The following URB2 variants were observed in gnomAD, a reference collection of about 807,000 sequenced individuals.
URB2 encodes URB2 ribosome biogenesis homolog, also known as unhealthy ribosome biogenesis protein 2 homolog.
A neutral mutation model predicts 120.9 loss-of-function variants in URB2; 86 were observed. The observed-to-expected ratio is 0.71, with a 90% CI of 0.60 to 0.85. The LOEUF (loss-of-function observed/expected upper bound fraction) is 0.85. Ranked by LOEUF, URB2 falls within the 40% of genes least tolerant of loss-of-function variation. The pLI is 0.00. For missense variants in URB2, 1,765 were observed against 1,836.5 expected, an observed-to-expected ratio of 0.96 and a Z score of 0.71; for synonymous variants, 755 against 758.4, an observed-to-expected ratio of 1.00 and a Z score of 0.07.
chr1:229,632,500 T>C, intron 3 of URB2, 55 bp downstream of exon 3: 3 of 1,436,568 alleles, frequency 2.1e-6, no homozygotes, highest in East Asian at 2.6e-5. Flanking sequence ...GATTTCTTGT[T>C]AATGCTGGAA....
At position 229,654,288 on chromosome 1, in the gene URB2, G is replaced by A. The variant is rs1161631532; in HGVS notation, c.4277G>A (p.Arg1426His). Residue 1426 changes from arginine (R) to histidine (H), a missense_variant, in exon 9 of 10, where the codon CGC becomes CAC. By Grantham distance (29) the Arg-to-His change is conservative. Transcript: ENST00000258243. ...DDLPTVLKCA[R>H]LVERMYSHIA... ...CTGCCTACGGTCCTAAAGTGTGCAC[G>A]CCTGGTTGAAAGAATGTACAGCCAC... 11 of 1,614,030 alleles carry A rather than the reference G, an allele frequency of 6.8e-6. No individual in the cohort carries two copies. The highest frequency in any genetic ancestry group is 2.2e-5 in the South Asian group (2 of 91,086).
Position 229,636,910 on chromosome 1 carries a change from T to A in URB2, c.2297T>A (p.Leu766Gln). Reference sequence around the variant, plus strand: ...GATGTGGGATACCTGGCCAGTGTCCTGCTGAGAACTTTACCCATGGGCAAA... The same window carrying A: ...GATGTGGGATACCTGGCCAGTGTCCAGCTGAGAACTTTACCCATGGGCAAA... ...PDDVGYLASV[L>Q]LRTLPMGKAQ... Residue 766 changes from leucine (L) to glutamine (Q), a missense_variant, in exon 4 of 10, where the codon CTG becomes CAG. By Grantham distance (113) the Leu-to-Gln change is moderately radical (BLOSUM62 -2). Transcript: ENST00000258243. 1 of 1,612,332 alleles carries A rather than the reference T, an allele frequency of 6.2e-7. No homozygotes were observed. Among genetic ancestry groups the A allele is most frequent in the Admixed American group, 1.7e-5 (1 of 59,770 alleles).
rs1480196075 is a variant in URB2, at chr1:229,636,293, G to A, written c.1680G>A (p.Thr560=). The change falls in exon 4 of 10, where the codon ACG becomes ACA. Residue 560 remains threonine (T), a synonymous_variant. Transcript: ENST00000258243. ...MFNMRSLDSS[T]PLPIVRRTQC... ...ACATGAGGAGCCTGGACAGCAGCAC[G>A]CCTCTGCCCATTGTCAGACGGACAC... 33 of 1,614,096 alleles carry A rather than the reference G, an allele frequency of 2.0e-5. No individual in the cohort carries two copies. Among genetic ancestry groups the A allele is most frequent in the Admixed American group, 3.3e-5 (2 of 60,016 alleles).
intron 5 of URB2, among the ~76,000 whole-genome samples, chr1:229,645,052 A>C (rs1433539074): frequency 2.0e-5 from 3 of 152,152 alleles, no homozygotes; most frequent in African/African-American, 4.8e-5. Flanking sequence ...TTGGGAGGCC[A>C]AGGTGGGTGG....
At position 229,637,769 on chromosome 1, in the gene URB2, C is replaced by T. The variant is rs143861062; in HGVS notation, c.3156C>T (p.Gly1052=). ...AATTAGAAAATCAGAACCCCCAGGG[C>T]AGGCAGCTCCTTCTGGTGTCTTTAA... is the stretch of plus-strand genomic sequence containing the variant. ...SKQLENQNPQ[G]RQLLLVSLTR... The change falls in exon 4 of 10, where the codon GGC becomes GGT. Residue 1052 remains glycine (G), a synonymous_variant. Transcript: ENST00000258243. 4,123 of 1,614,086 alleles carry T rather than the reference C, an allele frequency of 2.6e-3. 8 individuals are homozygous for T. Among genetic ancestry groups the T allele is most frequent in the Non-Finnish European group, 3.2e-3 (3,792 of 1,180,024 alleles).
chr1:229,637,995 C>T lies in URB2; in HGVS notation c.3382C>T (p.Leu1128=). The T allele has an allele frequency of 6.2e-7, 1 of 1,613,524 alleles. No individual in the cohort carries two copies. Among genetic ancestry groups the T allele is most frequent in the Non-Finnish European group, 8.5e-7 (1 of 1,179,706 alleles). ...SSVSTLLEAD[L]GQHCRDGGAD... ...CGTCAGCACGCTCTTGGAAGCCGAC[C>T]TGGGTCAGCACTGCAGGGATGGAGG... Residue 1128 remains leucine (L), a synonymous_variant, in exon 4 of 10, where the codon CTG becomes TTG. Coordinates refer to ENST00000258243, the MANE Select transcript of URB2 (RefSeq NM_014777.4).
chr1:229,641,174 G>A (rs1012003837), intron 4 of URB2, among the ~76,000 whole-genome samples: 22 of 151,946 alleles, frequency 1.4e-4, no homozygotes, highest in Admixed American at 3.9e-4. Context: ...CACCATGCCC[G>A]GCTAATTGTT....
At position 229,651,183 on chromosome 1, in the gene URB2, A is replaced by C. The variant is rs559319168; in HGVS notation, c.4150-52A>C. On this transcript the variant is annotated intron_variant, in intron 7 of 9. Transcript: ENST00000258243. ...AAGTATGAGCTCCTTTAAAGTAGAA[A>C]AACTTAAATAATCACGTATGTACTT... is the stretch of plus-strand genomic sequence containing the variant. The C allele has an allele frequency of 3.3e-6, 5 of 1,511,072 alleles. No homozygotes were observed. The East Asian group carries it at 9.4e-5, about 28-fold the overall frequency. The allele number at this position is 1,511,072 out of a possible 1,614,324, so 93.6% of individuals were successfully genotyped here.
At chr1:229,626,847 A>G (rs1398646242) in intron 1 of URB2, among the ~76,000 whole-genome samples, 1 of 152,272 alleles carries the variant, frequency 6.6e-6, no homozygotes, top group Non-Finnish European at 1.5e-5. Context: ...ACATTTTGAC[A>G]AAATAGGAAA....
intron 8 of URB2, among the ~76,000 whole-genome samples, chr1:229,653,012 A>G (rs1212436964): frequency 5.3e-5 from 8 of 152,222 alleles, no homozygotes; most frequent in African/African-American, 1.9e-4. Flanking sequence ...TGCTCTTTCT[A>G]ATGAGCATGC....
chr1:229,649,847 G>A (rs1296907624), intron 7 of URB2, among the ~76,000 whole-genome samples: 1 of 152,150 alleles, frequency 6.6e-6, no homozygotes, highest in African/African-American at 2.4e-5. Context: ...TGAGGAAACT[G>A]AGGTGCACAC....
At chr1:229,651,452 C>T in intron 8 of URB2, 130 bp downstream of exon 8, 1 of 675,396 alleles carries the variant, frequency 1.5e-6, no homozygotes, top group Non-Finnish European at 2.2e-6. Context: ...CAAATGAATA[C>T]TCAAAATATA....
chr1:229,641,584 G>T lies in URB2; in HGVS notation c.3635-1949G>T, dbSNP rs141555918. ...GCCCAAGGCTTTGGGCAGGGAGAGG[G>T]AGTGTGAAGAGGCGCCGTGCAGGTG... is the stretch of plus-strand genomic sequence containing the variant. On this transcript the variant is annotated intron_variant, in intron 4 of 9. Coordinates refer to ENST00000258243, the MANE Select transcript of URB2 (RefSeq NM_014777.4). Among the ~76,000 whole-genome samples the T allele has an allele frequency of 1.5e-3, 224 of 152,300 alleles. 1 individual carries two copies. Among genetic ancestry groups the T allele is most frequent in the African/African-American group, 5.3e-3 (221 of 41,556 alleles).
chr1:229,655,119 G>A (rs1666377090), intron 9 of URB2, among the ~76,000 whole-genome samples: 1 of 152,216 alleles, frequency 6.6e-6, no homozygotes, highest in African/African-American at 2.4e-5. Context: ...ACTCAAAGTC[G>A]ATGACAAGGT....
At chr1:229,628,422 C>G (rs976684553) in intron 2 of URB2, among the ~76,000 whole-genome samples, 1 of 151,628 alleles carries the variant, frequency 6.6e-6, no homozygotes, top group African/African-American at 2.4e-5. Context: ...GACCTTGTCT[C>G]TTTAAAATAA....
intron 6 of URB2, 71 bp downstream of exon 6, chr1:229,646,040 T>TA: frequency 1.4e-6 from 2 of 1,446,272 alleles, no homozygotes; most frequent in Non-Finnish European, 1.9e-6. Context: ...AAGTCAGCCT[T>TA]TTGGGGTCTG....
At chr1:229,639,534 C>T (rs902995209) in intron 4 of URB2, among the ~76,000 whole-genome samples, 2 of 152,058 alleles carry the variant, frequency 1.3e-5, no homozygotes, top group African/African-American at 4.8e-5. Flanking sequence ...GACAGGGTTT[C>T]ACCATGTTAG....
chr1:229,651,390 A>G (rs2102797990), intron 8 of URB2, 68 bp downstream of exon 8: 12 of 1,339,926 alleles, frequency 9.0e-6, no homozygotes, highest in Non-Finnish European at 1.2e-5. Context: ...CTGGCCACAT[A>G]TGTTACTGAA....
rs968788075 is a variant in URB2 at position 229,655,111 on chromosome 1, T to A, written c.4377+723T>A. On this transcript the variant is annotated intron_variant, in intron 9 of 9. Coordinates refer to ENST00000258243, the MANE Select transcript of URB2 (RefSeq NM_014777.4). Reference sequence around the variant, plus strand: ...ATGTGACTCAGCTGCTCTCAGACACTCAAAGTCGATGACAAGGTGGAGATA... The same window carrying A: ...ATGTGACTCAGCTGCTCTCAGACACACAAAGTCGATGACAAGGTGGAGATA... Among the ~76,000 whole-genome samples, 12 of 152,174 alleles carry A rather than the reference T, an allele frequency of 7.9e-5. 2 individuals carry two copies. The highest frequency in any genetic ancestry group is 7.8e-4 in the Admixed American group (12 of 15,290).
Sources: gnomAD v4.1 joint callset for allele counts (sites outside exome capture counted in the v4.1 genomes callset) on GRCh38, gnomAD v4.1.1 for gene constraint, MANE v1.5 for transcripts, NCBI Gene and HGNC (gene_info 2026-07-23, HGNC 2026-07-21) for gene names.